FSTL4: variants seen among roughly 807,000 people sequenced by gnomAD.
FSTL4 encodes the protein follistatin like 4, also known as follistatin-related protein 4.
FSTL4 carries 28 observed loss-of-function variants against 78.2 expected under a neutral mutation model. The observed-to-expected ratio is 0.36, with a 90% CI of 0.27 to 0.49. The LOEUF (loss-of-function observed/expected upper bound fraction) is 0.49. FSTL4 is among the 20% of genes least tolerant of loss of function. The probability of loss-of-function intolerance (pLI) is 0.98; values close to 1 mark genes in which losing one functional copy is unlikely to be tolerated. For missense variants in FSTL4, 922 were observed against 1,084.9 expected, an observed-to-expected ratio of 0.85 and a Z score of 2.11; for synonymous variants, 422 against 440.5, an observed-to-expected ratio of 0.96 and a Z score of 0.53.
At chr5:133,305,067 G>C (rs1467675935) in intron 6 of FSTL4, among the ~76,000 whole-genome samples, 1 of 152,232 alleles carries the variant, frequency 6.6e-6, no homozygotes, top group African/African-American at 2.4e-5. Context: ...AACATCAGGA[G>C]GTCTTAGATA....
intron 3 of FSTL4, among the ~76,000 whole-genome samples, chr5:133,560,960 G>A (rs897414803): frequency 6.6e-6 from 1 of 151,222 alleles, no homozygotes; most frequent in African/African-American, 2.4e-5. Context: ...ATGGTGGTGG[G>A]CACATGTAGT....
chr5:133,444,330 C>G (rs1234551351), intron 3 of FSTL4, among the ~76,000 whole-genome samples: 1 of 152,156 alleles, frequency 6.6e-6, no homozygotes, highest in Non-Finnish European at 1.5e-5. Context: ...CTGGCTTCTC[C>G]AGGGCCCATG....
the FSTL4 span, among the ~76,000 whole-genome samples, chr5:133,622,219 A>G: frequency 6.6e-6 from 1 of 152,160 alleles, no homozygotes; most frequent in African/African-American, 2.4e-5. Flanking sequence ...AAGTTGTTTC[A>G]TGTGTCAATA....
intron 3 of FSTL4, among the ~76,000 whole-genome samples, chr5:133,466,186 A>G (rs115254039): frequency 0.017 from 2,648 of 152,326 alleles, 60 homozygotes; most frequent in African/African-American, 0.061. Context: ...CAATCCATCA[A>G]TCTCTCTCTT....
chr5:133,609,064 C>G (rs1761033994), intron 1 of FSTL4, among the ~76,000 whole-genome samples: 1 of 152,212 alleles, frequency 6.6e-6, no homozygotes, highest in Non-Finnish European at 1.5e-5. Context: ...TTCTCTCTCT[C>G]AGCCTCTCTC....
intron 4 of FSTL4, among the ~76,000 whole-genome samples, chr5:133,363,666 C>CA (rs1755118040): frequency 6.6e-6 from 1 of 152,156 alleles, no homozygotes. Flanking sequence ...AACCTCCAGC[C>CA]AGTGTACTTG....
chr5:133,357,540 C>T (rs1561684841), intron 4 of FSTL4, among the ~76,000 whole-genome samples: 1 of 152,184 alleles, frequency 6.6e-6, no homozygotes, highest in Non-Finnish European at 1.5e-5. Flanking sequence ...TTAGAAGGGG[C>T]TGATTTCAGC....
At chr5:133,348,838 G>T (rs139721638) in intron 4 of FSTL4, among the ~76,000 whole-genome samples, 3 of 152,314 alleles carry the variant, frequency 2.0e-5, no homozygotes, top group Admixed American at 6.5e-5. Flanking sequence ...ATGGTGTACG[G>T]AAAGTCCCCA....
the FSTL4 span, among the ~76,000 whole-genome samples, chr5:133,646,044 A>T: frequency 6.6e-6 from 1 of 152,222 alleles, no homozygotes; most frequent in Non-Finnish European, 1.5e-5. Flanking sequence ...ATCAAGAAAG[A>T]CATGGTCCTA....
At chr5:133,684,326 G>T in the FSTL4 span, among the ~76,000 whole-genome samples, 1 of 152,164 alleles carries the variant, frequency 6.6e-6, no homozygotes, top group African/African-American at 2.4e-5. Context: ...GGGGAGGGAG[G>T]GTGCAGAGGG....
At chr5:133,595,422 A>T (rs2112971281) in intron 2 of FSTL4, among the ~76,000 whole-genome samples, 1 of 152,260 alleles carries the variant, frequency 6.6e-6, no homozygotes, top group South Asian at 2.1e-4. Context: ...AAGATGGCTG[A>T]CTCGTTCACT....
chr5:133,787,374 G>C, the FSTL4 span, among the ~76,000 whole-genome samples: 2 of 152,146 alleles, frequency 1.3e-5, no homozygotes, highest in Non-Finnish European at 2.9e-5. Flanking sequence ...GGGTTTAAAG[G>C]AGATGGACAC....
chr5:133,329,251 G>T (rs1174176930), intron 4 of FSTL4, among the ~76,000 whole-genome samples: 3 of 152,126 alleles, frequency 2.0e-5, no homozygotes, highest in South Asian at 2.1e-4. Context: ...TTGTCACAAT[G>T]ATTGGAGGGC....
intron 5 of FSTL4, among the ~76,000 whole-genome samples, chr5:133,315,188 A>G (rs1362836681): frequency 6.6e-6 from 1 of 152,188 alleles, no homozygotes; most frequent in Non-Finnish European, 1.5e-5. Context: ...CATGCCAGGT[A>G]CCACTCTAAG....
At chr5:133,768,806 T>A in the FSTL4 span, among the ~76,000 whole-genome samples, 1 of 152,054 alleles carries the variant, frequency 6.6e-6, no homozygotes, top group South Asian at 2.1e-4. Flanking sequence ...AGAATAAAGC[T>A]CCAATATTAA....
the FSTL4 span, among the ~76,000 whole-genome samples, chr5:133,725,330 T>C: frequency 6.6e-6 from 1 of 152,330 alleles, no homozygotes; most frequent in Admixed American, 6.5e-5. Flanking sequence ...AAAACTTAGA[T>C]GCAAGTTGGA....
At chr5:133,724,547 T>C in the FSTL4 span, among the ~76,000 whole-genome samples, 16 of 152,306 alleles carry the variant, frequency 1.1e-4, no homozygotes, top group Admixed American at 1.0e-3. Flanking sequence ...CTTGTTGACA[T>C]CACCTTTTTA....
At chr5:133,625,273 T>C in the FSTL4 span, among the ~76,000 whole-genome samples, 8 of 151,826 alleles carry the variant, frequency 5.3e-5, no homozygotes, top group Admixed American at 3.3e-4. Context: ...GGGGAATTTT[T>C]AGTTGTTAAT....
At chr5:133,277,820 G>A (rs948981914) in intron 6 of FSTL4, among the ~76,000 whole-genome samples, 1 of 152,196 alleles carries the variant, frequency 6.6e-6, no homozygotes, top group Non-Finnish European at 1.5e-5. Context: ...CTGTTTTTGG[G>A]GGTTCATGCC....
Sources: allele counts gnomAD v4.1 joint callset (sites outside exome capture counted in the v4.1 genomes callset), GRCh38; gene constraint gnomAD v4.1.1; transcripts MANE v1.5; gene names NCBI Gene and HGNC (gene_info 2026-07-23, HGNC 2026-07-21).